Variants in ZSWIM7 observed in about 807,000 individuals in gnomAD.
The protein encoded by ZSWIM7 is zinc finger SWIM-type containing 7.
Under a neutral mutation model 21.1 loss-of-function variants are expected in ZSWIM7, and 22 were observed. The ratio of observed to expected loss-of-function variants is 1.04; its 90% confidence interval spans 0.74 to 1.49. ZSWIM7 has a LOEUF of 1.49. Among genes scored for constraint, ZSWIM7 ranks in the 40% most tolerant of loss-of-function variants. The pLI is 0.00. For synonymous variants in ZSWIM7, 67 were observed against 66.5 expected, an observed-to-expected ratio of 1.01 and a Z score of -0.04; for missense variants, 193 against 168.0, an observed-to-expected ratio of 1.15 and a Z score of -0.82.
intron 3 of ZSWIM7, among the ~76,000 whole-genome samples, chr17:15,985,948 CTT>C (rs750041709): frequency 9.2e-5 from 14 of 152,198 alleles, no homozygotes; most frequent in Non-Finnish European, 1.9e-4. Context: ...AGTTCAGTGA[CTT>C]TGATTATTCC....
intron 1 of ZSWIM7, 116 bp downstream of exon 1, chr17:15,999,403 C>T (rs1353211066): frequency 1.5e-6 from 2 of 1,296,022 alleles, no homozygotes; most frequent in Non-Finnish European, 2.2e-6. Flanking sequence ...TAGAGAACCA[C>T]ATGGAAAAAA....
intron 1 of ZSWIM7, among the ~76,000 whole-genome samples, chr17:15,997,453 C>T (rs989830971): frequency 3.9e-5 from 6 of 152,124 alleles, no homozygotes; most frequent in South Asian, 2.1e-4. Context: ...TAAATAAGCA[C>T]ATAAACAAAA....
intron 1 of ZSWIM7, among the ~76,000 whole-genome samples, chr17:15,998,857 C>T (rs1160360971): frequency 6.6e-6 from 1 of 151,312 alleles, no homozygotes; most frequent in Non-Finnish European, 1.5e-5. Context: ...CGGGTTCAAG[C>T]GATTCTCCTG....
chr17:15,980,432 GTAAA>G (rs1461182531), intron 4 of ZSWIM7: 1 of 152,334 alleles, frequency 6.6e-6, no homozygotes, highest in African/African-American at 2.4e-5. Context: ...AGTTAACAGT[GTAAA>G]AGAAAGGGAA....
chr17:15,995,936 A>G (rs78798458), intron 1 of ZSWIM7, among the ~76,000 whole-genome samples: 6,981 of 152,092 alleles, frequency 0.046, 532 homozygotes, highest in African/African-American at 0.16. Context: ...ACTTCCAGAG[A>G]AAAAAAAGGT....
chr17:15,982,947 C>T (rs1313332751), intron 3 of ZSWIM7, among the ~76,000 whole-genome samples: 1 of 152,146 alleles, frequency 6.6e-6, no homozygotes, highest in Non-Finnish European at 1.5e-5. Flanking sequence ...GCTACCACAC[C>T]CAGCCTCAGT....
chr17:15,978,985 T>G (rs112348695), intron 4 of ZSWIM7, among the ~76,000 whole-genome samples: 1,492 of 148,556 alleles, frequency 0.01, 25 homozygotes, highest in African/African-American at 0.035. Flanking sequence ...ATTTTTGTTT[T>G]ATTTATTTAT....
chr17:15,980,325 T>G (rs915031150), intron 4 of ZSWIM7: 1 of 152,350 alleles, frequency 6.6e-6, no homozygotes, highest in African/African-American at 2.4e-5. Flanking sequence ...ATCCTGTCTC[T>G]TGCAGTTGAG....
intron 3 of ZSWIM7, among the ~76,000 whole-genome samples, chr17:15,981,470 G>C (rs1184035723): frequency 6.8e-6 from 1 of 145,996 alleles, no homozygotes; most frequent in Non-Finnish European, 1.5e-5. Flanking sequence ...GAAGGAAGTG[G>C]GGGGGGGGAA....
chr17:15,979,027 T>C (rs1970313016), intron 4 of ZSWIM7, among the ~76,000 whole-genome samples: 1 of 150,958 alleles, frequency 6.6e-6, no homozygotes, highest in Non-Finnish European at 1.5e-5. Context: ...TCTTGGGTGT[T>C]TCTCACAGAG....
intron 3 of ZSWIM7, among the ~76,000 whole-genome samples, 164 bp downstream of exon 3, chr17:15,987,102 A>T (rs1169539718): frequency 6.6e-6 from 1 of 152,230 alleles, no homozygotes; most frequent in Non-Finnish European, 1.5e-5. Context: ...AAAAGTAAAT[A>T]AAAATTTTAA....
At chr17:15,984,317 A>T (rs1343568797) in intron 3 of ZSWIM7, among the ~76,000 whole-genome samples, 1 of 152,246 alleles carries the variant, frequency 6.6e-6, no homozygotes, top group Non-Finnish European at 1.5e-5. Context: ...AGGATAACAT[A>T]ATTCAATTCC....
chr17:15,979,740 G>A (rs1320301230), intron 4 of ZSWIM7, among the ~76,000 whole-genome samples: 17 of 137,580 alleles, frequency 1.2e-4, no homozygotes, highest in South Asian at 2.3e-4. Context: ...CAGTAGGGGC[G>A]GCTGGGCAGA....
At chr17:15,991,404 G>A (rs1031473717) in intron 2 of ZSWIM7, among the ~76,000 whole-genome samples, 3 of 152,026 alleles carry the variant, frequency 2.0e-5, no homozygotes, top group Non-Finnish European at 2.9e-5. Context: ...GAATTTCTGG[G>A]TCAAAGAATA....
intron 1 of ZSWIM7, among the ~76,000 whole-genome samples, chr17:15,996,105 T>C (rs1382730509): frequency 4.6e-5 from 7 of 152,152 alleles, no homozygotes; most frequent in Non-Finnish European, 1.0e-4. Flanking sequence ...CCGGGCGCGA[T>C]GGTCAGCCTG....
chr17:15,987,131 A>C, intron 3 of ZSWIM7, 135 bp downstream of exon 3: 1 of 621,008 alleles, frequency 1.6e-6, no homozygotes, highest in East Asian at 3.1e-5. Flanking sequence ...CAATTCGTTA[A>C]TTTTACCAAG....
chr17:15,991,659 C>T (rs532721166), intron 2 of ZSWIM7, among the ~76,000 whole-genome samples: 1 of 152,108 alleles, frequency 6.6e-6, no homozygotes, highest in African/African-American at 2.4e-5. Flanking sequence ...ACATTTTTTT[C>T]CAGTAATATT....
intron 3 of ZSWIM7, chr17:15,986,665 G>GGAGGAA (rs1356704893): frequency 1.3e-5 from 2 of 152,090 alleles, no homozygotes; most frequent in African/African-American, 4.8e-5. Flanking sequence ...TTGGGGTGGG[G>GGAGGAA]GAGGAAGAGG....
intron 2 of ZSWIM7, 109 bp downstream of exon 2, chr17:15,993,648 G>C: frequency 2.3e-6 from 2 of 855,138 alleles, no homozygotes; most frequent in Non-Finnish European, 3.7e-6. Flanking sequence ...TTATAGGCGT[G>C]AGCCACTGCG....
Sources: allele counts gnomAD v4.1 joint callset (sites outside exome capture counted in the v4.1 genomes callset), GRCh38; gene constraint gnomAD v4.1.1; transcripts MANE v1.5; gene names NCBI Gene and HGNC (gene_info 2026-07-23, HGNC 2026-07-21).